Variants in XKR4 observed in about 807,000 individuals in gnomAD.
XKR4 encodes XK-related protein 4.
A neutral mutation model predicts 53.9 loss-of-function variants in XKR4; 12 were observed. The ratio of observed to expected loss-of-function variants is 0.22; its 90% confidence interval spans 0.14 to 0.36. The LOEUF (loss-of-function observed/expected upper bound fraction) is 0.36, where lower values mean the gene tolerates loss of function less well. Among genes scored for constraint, XKR4 ranks in the 10% least tolerant of loss-of-function variants. The pLI is 1.00. For synonymous variants in XKR4, 354 were observed against 362.4 expected (o/e 0.98, Z 0.26); for missense variants, 799 against 859.5 (o/e 0.93, Z 0.88).
intron 2 of XKR4, among the ~76,000 whole-genome samples, chr8:55,368,160 C>T (rs113171112): frequency 0.02 from 3,021 of 152,170 alleles, 31 homozygotes; most frequent in Non-Finnish European, 0.031. Context: ...GGTGTTTCAC[C>T]ATGTTGGCCA....
chr8:55,151,427 C>T (rs1286837610), intron 1 of XKR4, among the ~76,000 whole-genome samples: 2 of 152,208 alleles, frequency 1.3e-5, no homozygotes, highest in African/African-American at 2.4e-5. Flanking sequence ...TCTGTCTCTC[C>T]TCATTGTCTC....
Position 55,102,317 on chromosome 8 carries a change from C to G in XKR4, c.-172C>G, listed in dbSNP as rs1176641049. 1.1e-6 allele frequency: 1 copy of G among 931,218 alleles called. No individual in the cohort carries two copies. The highest frequency in any genetic ancestry group is 4.3e-5 in the South Asian group (1 of 23,304). The allele number at this position is 931,218 out of a possible 1,614,324, so 57.7% of individuals were successfully genotyped here. ...CCGCTAGCCCGGCCCAGCGCCCAGC[C>G]CGGCGGGCGGCGGGCGGCGGCGGAC... On this transcript the variant is annotated 5_prime_UTR_variant, in exon 1 of 3. Coordinates refer to ENST00000327381, the MANE Select transcript of XKR4 (RefSeq NM_052898.2). This position sits in a 1 kb window ranked among gnomAD's most constrained non-coding sequence, Gnocchi z 5.1.
chr8:55,304,355 TGA>T (rs1224808386), intron 1 of XKR4, among the ~76,000 whole-genome samples: 1 of 152,218 alleles, frequency 6.6e-6, no homozygotes, highest in Non-Finnish European at 1.5e-5. Flanking sequence ...CGCTGTGGTC[TGA>T]GAGACAGTTT....
intron 1 of XKR4, among the ~76,000 whole-genome samples, chr8:55,273,816 TC>T (rs1314908397): frequency 5.9e-5 from 9 of 152,288 alleles, no homozygotes; most frequent in Non-Finnish European, 1.0e-4. Context: ...AACTCTGGTC[TC>T]CCACACAGCC....
intron 1 of XKR4, among the ~76,000 whole-genome samples, chr8:55,209,695 C>G (rs1817702871): frequency 6.6e-6 from 1 of 152,118 alleles, no homozygotes; most frequent in Non-Finnish European, 1.5e-5. Context: ...AGGCCAGGTG[C>G]GTGTTGCTGC....
chr8:55,341,786 G>C (rs919002781), intron 1 of XKR4, among the ~76,000 whole-genome samples: 1 of 152,050 alleles, frequency 6.6e-6, no homozygotes, highest in Non-Finnish European at 1.5e-5. Flanking sequence ...ACACCTCCCT[G>C]AGAGAAGCTG....
chr8:55,397,402 C>A (rs1294190412), intron 2 of XKR4, among the ~76,000 whole-genome samples: 3 of 152,136 alleles, frequency 2.0e-5, no homozygotes, highest in Non-Finnish European at 4.4e-5. Context: ...CAGCTCCTAC[C>A]TGGGAGCAGC....
In XKR4 at chr8:55,123,703, G is replaced by A. The variant is rs144075097; in HGVS notation, c.806+20409G>A. Among the ~76,000 whole-genome samples the A allele has an allele frequency of 1.7e-3, 260 of 152,292 alleles. 1 individual carries two copies. Among genetic ancestry groups the A allele is most frequent in the African/African-American group, 5.9e-3 (246 of 41,550 alleles). On this transcript the variant is annotated intron_variant, in intron 1 of 2. Transcript: ENST00000327381. ...CCTTCTCAGAAGCAGCCTCGGACAC[G>A]TGCCTCTATGTAATATCCTCCTGCT...
intron 1 of XKR4, among the ~76,000 whole-genome samples, chr8:55,250,502 A>G (rs1818349049): frequency 6.6e-6 from 1 of 152,096 alleles, no homozygotes; most frequent in Non-Finnish European, 1.5e-5. Context: ...TCTCTAAGGG[A>G]GCTGGCTGTG....
intron 1 of XKR4, among the ~76,000 whole-genome samples, chr8:55,191,904 A>T (rs1817448976): frequency 6.6e-6 from 1 of 151,856 alleles, no homozygotes; most frequent in South Asian, 2.1e-4. Flanking sequence ...CCCTCCTGGA[A>T]TCTTTAATAC....
At chr8:55,459,954 A>G (rs1478590579) in intron 2 of XKR4, among the ~76,000 whole-genome samples, 1 of 152,008 alleles carries the variant, frequency 6.6e-6, no homozygotes, top group Admixed American at 6.6e-5. Flanking sequence ...AAATATGTCT[A>G]CACACAGTTT....
chr8:55,236,933 A>T (rs1280596889), intron 1 of XKR4, among the ~76,000 whole-genome samples: 2 of 152,132 alleles, frequency 1.3e-5, no homozygotes, highest in Non-Finnish European at 2.9e-5. Context: ...TCATTTAATT[A>T]TCATGGTCTT....
chr8:55,330,082 A>T (rs1477276734), intron 1 of XKR4, among the ~76,000 whole-genome samples: 2 of 152,210 alleles, frequency 1.3e-5, no homozygotes, highest in Admixed American at 1.3e-4. Flanking sequence ...CATCAGTATT[A>T]TCGTCAGCAG....
At chr8:55,499,355 A>G (rs1272969496) in intron 2 of XKR4, among the ~76,000 whole-genome samples, 1 of 152,196 alleles carries the variant, frequency 6.6e-6, no homozygotes, top group Non-Finnish European at 1.5e-5. Context: ...TTTTCTCTCA[A>G]TACTATTTAT....
chr8:55,260,686 C>T (rs1308892589), intron 1 of XKR4, among the ~76,000 whole-genome samples: 1 of 152,012 alleles, frequency 6.6e-6, no homozygotes, highest in African/African-American at 2.4e-5. Flanking sequence ...TACACAGGGC[C>T]CAAAGATTGG....
At chr8:55,479,717 A>G (rs1806067578) in intron 2 of XKR4, among the ~76,000 whole-genome samples, 2 of 152,326 alleles carry the variant, frequency 1.3e-5, no homozygotes, top group South Asian at 4.1e-4. Context: ...TAAAGGGGAT[A>G]TCACCACCAA....
At chr8:55,444,643 A>G (rs1193284122) in intron 2 of XKR4, among the ~76,000 whole-genome samples, 2 of 152,356 alleles carry the variant, frequency 1.3e-5, no homozygotes, top group East Asian at 3.9e-4. Flanking sequence ...ATTTTCAGCA[A>G]GTTGAAAATT....
chr8:55,250,799 A>G (rs555882290), intron 1 of XKR4, among the ~76,000 whole-genome samples: 15 of 152,376 alleles, frequency 9.8e-5, no homozygotes, highest in African/African-American at 3.4e-4. Flanking sequence ...CTTAAAATAT[A>G]CTAGGAAATT....
chr8:55,384,820 A>T (rs1804286814), intron 2 of XKR4, among the ~76,000 whole-genome samples: 1 of 152,246 alleles, frequency 6.6e-6, no homozygotes, highest in Non-Finnish European at 1.5e-5. Flanking sequence ...TTATAAGGCA[A>T]TCATTCTGAC....
Sources: gnomAD v4.1 joint callset for allele counts (sites outside exome capture counted in the v4.1 genomes callset) on GRCh38, gnomAD v4.1.1 for gene constraint, Gnocchi (gnomAD v3.1) non-coding constraint, MANE v1.5 for transcripts, NCBI Gene and HGNC (gene_info 2026-07-23, HGNC 2026-07-21) for gene names.